The following STXBP2 variants were observed in gnomAD, a reference collection of about 807,000 sequenced individuals.
STXBP2 encodes syntaxin-binding protein 2.
A neutral mutation model predicts 72.2 loss-of-function variants in STXBP2; 47 were observed. The ratio of observed to expected loss-of-function variants is 0.65; its 90% confidence interval spans 0.51 to 0.83. The LOEUF (loss-of-function observed/expected upper bound fraction) is 0.83. STXBP2 is among the 40% of genes least tolerant of loss of function. The pLI, the probability that STXBP2 is intolerant of heterozygous loss-of-function variation, is 0.00. For missense variants in STXBP2, 702 were observed against 807.6 expected, an observed-to-expected ratio of 0.87 and a Z score of 1.58; for synonymous variants, 367 against 338.7, an observed-to-expected ratio of 1.08 and a Z score of -0.92.
At chr19:7,646,387 G>C (rs775726500) in intron 16 of STXBP2, 43 bp downstream of exon 16, 1 of 1,545,242 alleles carries the variant, frequency 6.5e-7, no homozygotes, top group Non-Finnish European at 8.8e-7. Context: ...CCTCCGCATC[G>C]GCTGGCGGCT....
In STXBP2 at chr19:7,647,223, C is replaced by A. The variant is rs375024471; in HGVS notation, c.1514C>A (p.Thr505Lys). The stretch of plus-strand genomic sequence containing the variant: ...CCCTTCGTATCCGACCCCGCCCCCA[C>A]GGCCAGCTCCCAGGCCGCTGTCAGG... The part of the protein sequence containing the change: ...LWPFVSDPAP[T>K]ASSQAAVSAR... The change falls in exon 17 of 19, where the codon ACG (threonine) becomes AAG (lysine). Residue 505 changes from threonine (T) to lysine (K), a missense_variant. Coordinates refer to ENST00000221283, the MANE Select transcript of STXBP2 (RefSeq NM_006949.4). 1.9e-6 allele frequency: 3 copies of A among 1,611,486 alleles called. No homozygotes were observed. The highest frequency in any genetic ancestry group is 2.7e-5 in the African/African-American group (2 of 74,902).
upstream of STXBP2, chr19:7,632,420 C>T (rs1411903772): frequency 6.2e-7 from 1 of 1,613,994 alleles, no homozygotes; most frequent in Non-Finnish European, 8.5e-7. This position sits in a 1 kb window ranked among gnomAD's most constrained non-coding sequence, Gnocchi z 5.2. Context: ...GGAAGCCGGG[C>T]AGGCTGCTGA....
At chr19:7,633,068 G>A (rs558136531), upstream of STXBP2, 12 of 1,337,366 alleles carry the variant, frequency 9.0e-6, no homozygotes, top group Admixed American at 8.7e-5. Flanking sequence ...ACGTGGTACC[G>A]CTTCAAGGGA....
At chr19:7,644,842 G>A (rs1891687731) in intron 14 of STXBP2, 90 bp downstream of exon 14, 5 of 1,596,716 alleles carry the variant, frequency 3.1e-6, no homozygotes, top group Admixed American at 1.7e-5. Context: ...GCTCTCCTTG[G>A]GTCATTTGCA....
At chr19:7,630,738 G>A in the STXBP2 span, 3 of 1,533,404 alleles carry the variant, frequency 2.0e-6, no homozygotes, top group Non-Finnish European at 2.6e-6. Flanking sequence ...GGGGACTAAT[G>A]TCTGCCTCCC....
chr19:7,631,987 T>G (rs534331764), upstream of STXBP2: 1 of 579,754 alleles, frequency 1.7e-6, no homozygotes, highest in South Asian at 4.6e-5. Flanking sequence ...GTGGCAGGTC[T>G]TGGGGCCCTC....
At chr19:7,630,912 T>G in the STXBP2 span, 1 of 1,533,782 alleles carries the variant, frequency 6.5e-7, no homozygotes. Flanking sequence ...GGGATGGGTT[T>G]TAGATGAAAA....
chr19:7,640,298 CTA>C (rs964446497), intron 4 of STXBP2: 49 of 526,448 alleles, frequency 9.3e-5, no homozygotes, highest in Middle Eastern at 5.4e-4. Flanking sequence ...GTGCATGTGT[CTA>C]TGTATGTGTG....
At chr19:7,636,142 C>T (rs1229900519), upstream of STXBP2, 1 of 152,206 alleles carries the variant, frequency 6.6e-6, no homozygotes, top group Non-Finnish European at 1.5e-5. Context: ...CTATCTCCCC[C>T]AGACCTTCGG....
chr19:7,635,767 A>G (rs1174320929), upstream of STXBP2, among the ~76,000 whole-genome samples: 2 of 152,144 alleles, frequency 1.3e-5, no homozygotes, highest in Non-Finnish European at 2.9e-5. Flanking sequence ...AGGAAAGGAA[A>G]GGAAGAAATA....
At chr19:7,633,667 T>G, upstream of STXBP2, 1 of 578,990 alleles carries the variant, frequency 1.7e-6, no homozygotes, top group Non-Finnish European at 3.0e-6. Context: ...GCATGGTGGG[T>G]AGGGGGCAGG....
the STXBP2 span, chr19:7,630,368 A>C: frequency 1.7e-6 from 1 of 588,054 alleles, no homozygotes; most frequent in African/African-American, 1.9e-5. Context: ...CTCAGAGGGA[A>C]CTTTCAGGAA....
chr19:7,642,628 C>A lies in STXBP2; in HGVS notation c.902+92C>A. The stretch of plus-strand genomic sequence containing the variant: ...TCCCTGGCTGCTGCCAAGTCTTTGG[C>A]CCTCATGAGCACCCCTCGTGTGACT... On this transcript the variant is annotated intron_variant, in intron 10 of 18. Transcript: ENST00000221283. This position sits in a 1 kb window ranked among gnomAD's most constrained non-coding sequence, Gnocchi z 6.0. The A allele has an allele frequency of 6.6e-7, 1 of 1,521,928 alleles. No homozygotes were observed. Among genetic ancestry groups the A allele is most frequent in the Non-Finnish European group, 9.1e-7 (1 of 1,098,980 alleles). 94.3% of individuals were successfully genotyped at this position (1,521,928 alleles called of 1,614,324 possible).
At chr19:7,645,893 C>T (rs2032113851) in intron 15 of STXBP2, 6 of 396,510 alleles carry the variant, frequency 1.5e-5, no homozygotes, top group South Asian at 1.4e-4. Context: ...CTCCCCTCCC[C>T]TCTCCGTCCC....
intron 4 of STXBP2, 38 bp from the exon 5 acceptor site, chr19:7,640,693 T>G (rs760241670): frequency 8.7e-6 from 14 of 1,613,470 alleles, no homozygotes; most frequent in Non-Finnish European, 1.2e-5. Context: ...AGCCTAGGTG[T>G]GCAGGCTCAG....
Position 7,643,242 on chromosome 19 carries a change from G to A in STXBP2, c.1104G>A (p.Glu368=), listed in dbSNP as rs746570682. The A allele has an allele frequency of 1.2e-6, 2 of 1,613,442 alleles. No homozygotes were observed. Among genetic ancestry groups the A allele is most frequent in the Admixed American group, 1.7e-5 (1 of 59,978 alleles). The stretch of plus-strand genomic sequence containing the variant: ...CGGTGGAGAAGCTGTGTAGTGTGGA[G>A]CAGGTGGGGCAGGGCTTGCGGGGGG... ...KGSVEKLCSV[E]QDLAMGSDAE... The change falls in exon 13 of 19, where the codon GAG becomes GAA. Residue 368 remains glutamate, a synonymous_variant. Transcript: ENST00000221283.
At chr19:7,629,986 G>A in the STXBP2 span, 1 of 1,206,348 alleles carries the variant, frequency 8.3e-7, no homozygotes. Flanking sequence ...TAAGATTTGA[G>A]AGGAACCTTT....
chr19:7,643,471 G>C (rs2031979925), intron 13 of STXBP2, among the ~76,000 whole-genome samples: 1 of 152,088 alleles, frequency 6.6e-6, no homozygotes, highest in African/African-American at 2.4e-5. Flanking sequence ...GGCTTGGAGA[G>C]GTCAGACTTG....
chr19:7,641,377 T>A lies in STXBP2; in HGVS notation c.430-328T>A, dbSNP rs578132205. Among the ~76,000 whole-genome samples the A allele has an allele frequency of 2.6e-5, 4 of 152,176 alleles. No individual in the cohort carries two copies. The East Asian group carries it at 7.7e-4, about 29-fold the overall frequency. The stretch of plus-strand genomic sequence containing the variant: ...AGAGCGAGATCCTGTCTCAAAAACA[T>A]ACATAAAGTAAAATTTTAAAAAGGG... On this transcript the variant is annotated intron_variant, in intron 6 of 18. Coordinates refer to ENST00000221283, the MANE Select transcript of STXBP2 (RefSeq NM_006949.4).
Sources: allele counts gnomAD v4.1 joint callset (sites outside exome capture counted in the v4.1 genomes callset), GRCh38; gene constraint gnomAD v4.1.1; non-coding constraint Gnocchi (gnomAD v3.1); transcripts MANE v1.5; gene names NCBI Gene and HGNC (gene_info 2026-07-23, HGNC 2026-07-21).